Variants in PPP1R3B observed in about 807,000 individuals in gnomAD.
The protein encoded by PPP1R3B is PP1 subunit R4.
A neutral mutation model predicts 14.6 loss-of-function variants in PPP1R3B; 8 were observed. The observed-to-expected ratio is 0.55, with a 90% CI of 0.32 to 0.99. PPP1R3B has a LOEUF of 0.99. PPP1R3B is among the 50% of genes least tolerant of loss of function. PPP1R3B has a pLI of 0.04. For synonymous variants in PPP1R3B, 169 were observed against 142.0 expected, an observed-to-expected ratio of 1.19 and a Z score of -1.35; for missense variants, 452 against 360.1, an observed-to-expected ratio of 1.26 and a Z score of -2.07.
rs919063784 is a variant in PPP1R3B at position 9,139,620 on chromosome 8, T to C, written c.*1174A>G. ...CGGGAATGCAGTGGTGTGATCTCGG[T>C]TCACTGTAAGCTCCGCCTCCCAGGT... is the stretch of plus-strand genomic sequence containing the variant. On this transcript the variant is annotated 3_prime_UTR_variant, in exon 2 of 2. Transcript: ENST00000310455. 2.0e-5 allele frequency: 3 copies of C among 151,534 alleles called. No homozygotes were observed. The highest frequency in any genetic ancestry group is 6.6e-5 in the Admixed American group (1 of 15,224). 9.4% of individuals were successfully genotyped at this position (151,534 alleles called of 1,614,324 possible).
upstream of PPP1R3B, among the ~76,000 whole-genome samples, chr8:9,150,999 AC>A (rs1467001069): frequency 2.0e-5 from 3 of 152,220 alleles, no homozygotes; most frequent in Non-Finnish European, 2.9e-5. Context: ...ACCTCTCGGG[AC>A]CCGGGGCTGG....
chr8:9,149,171 C>A (rs1161815950), intron 1 of PPP1R3B, among the ~76,000 whole-genome samples: 1 of 116,478 alleles, frequency 8.6e-6, no homozygotes, highest in African/African-American at 3.4e-5. Flanking sequence ...CCAGCCTGGG[C>A]GACAGAGCGA....
intron 1 of PPP1R3B, among the ~76,000 whole-genome samples, chr8:9,149,413 G>C (rs1005627054): frequency 1.3e-5 from 2 of 151,768 alleles, no homozygotes; most frequent in Non-Finnish European, 1.5e-5. Flanking sequence ...CGAGGCAGGA[G>C]AATGGCGTGA....
At chr8:9,143,750 C>A (rs1175342839) in intron 1 of PPP1R3B, among the ~76,000 whole-genome samples, 1 of 152,136 alleles carries the variant, frequency 6.6e-6, no homozygotes, top group South Asian at 2.1e-4. Context: ...TATTCTTAAG[C>A]CTTTAACATA....
chr8:9,141,757 G>C, intron 1 of PPP1R3B, 89 bp from the exon 2 acceptor site: 1 of 1,283,508 alleles, frequency 7.8e-7, no homozygotes, highest in Non-Finnish European at 1.1e-6. Flanking sequence ...AGCAGGGACT[G>C]GCAAACAATA....
intron 1 of PPP1R3B, among the ~76,000 whole-genome samples, chr8:9,144,097 T>C (rs1215432280): frequency 6.6e-6 from 1 of 152,108 alleles, no homozygotes. Context: ...TCAACCTTAT[T>C]ATTAATTTAA....
Position 9,149,158 on chromosome 8 carries a change from A to G in PPP1R3B, c.-18+1405T>C, listed in dbSNP as rs1468954188. On this transcript the variant is annotated intron_variant, in intron 1 of 1. Coordinates refer to ENST00000310455, the MANE Select transcript of PPP1R3B (RefSeq NM_024607.4). ...CAGTGAGCCGAGATGGCGCCACTGC[A>G]GTCCAGCCTGGGCGACAGAGCGAAA... Among the ~76,000 whole-genome samples, 2 of 133,656 alleles carry G rather than the reference A, an allele frequency of 1.5e-5. 1 individual carries two copies. Among genetic ancestry groups the G allele is most frequent in the Non-Finnish European group, 3.1e-5 (2 of 63,880 alleles). 87.7% of individuals were successfully genotyped at this position (133,656 alleles called of 152,430 possible).
chr8:9,143,905 TACAG>T (rs1186506950), intron 1 of PPP1R3B, among the ~76,000 whole-genome samples: 13 of 152,056 alleles, frequency 8.5e-5, no homozygotes, highest in African/African-American at 2.9e-4. Context: ...AAAAAAAGAC[TACAG>T]ACAAACTGTG....
Position 9,141,444 on chromosome 8 carries a change from C to A in PPP1R3B, c.208G>T (p.Gly70Trp). Residue 70 changes from glycine to tryptophan, a missense_variant, in exon 2 of 2, where the codon GGG becomes TGG. Gly to Trp is a radical substitution (Grantham distance 184). Transcript: ENST00000310455. ...ACTTTGACCATTGTCAGGGCCAGCCCCTGGTTGTCTGCGAAGGACACCCGC... is the reference window on the plus strand; with the variant it reads ...ACTTTGACCATTGTCAGGGCCAGCCACTGGTTGTCTGCGAAGGACACCCGC... ...KKRVSFADNQGLALTMVKVFS... is the reference protein window; with the variant it reads ...KKRVSFADNQWLALTMVKVFS... The A allele has an allele frequency of 6.2e-7, 1 of 1,614,162 alleles. No individual in the cohort carries two copies. The highest frequency in any genetic ancestry group is 1.7e-4 in the Middle Eastern group (1 of 6,056).
intron 1 of PPP1R3B, chr8:9,142,165 C>T (rs1395646451): frequency 6.4e-6 from 1 of 155,130 alleles, no homozygotes; most frequent in East Asian, 1.9e-4. Context: ...GGCGTGAGCA[C>T]AGCTCACTGC....
rs770269636 is a variant in PPP1R3B at position 9,138,049 on chromosome 8, TG to T, written c.*2744del. 2.6e-5 allele frequency: 4 copies of T among 152,236 alleles called. No individual in the cohort carries two copies. The highest frequency in any genetic ancestry group is 4.4e-5 in the Non-Finnish European group (3 of 68,038). The allele number at this position is 152,236 out of a possible 1,614,324, so 9.4% of individuals were successfully genotyped here. ...AGAGTCACTTCAGGCCTTTTTCTTA[TG>T]AACAGAGTGATCCTTAGTCGGGTAA... On this transcript the variant is annotated 3_prime_UTR_variant, in exon 2 of 2. Transcript: ENST00000310455.
upstream of PPP1R3B, chr8:9,150,838 G>A (rs778095146): frequency 1.3e-5 from 2 of 152,362 alleles, no homozygotes; most frequent in Admixed American, 6.5e-5. Context: ...CCCGGGACGG[G>A]GATCGTGCTA....
Position 9,140,961 on chromosome 8 carries a change from T to G in PPP1R3B, c.691A>C (p.Arg231=). ...GATTTTAACTCAGCCCGGATGATCC[T>G]ATAGTTCTTGCCTCTGTTGCTGTCC... ...YWDSNRGKNY[R]IIRAELKSTQ... The change falls in exon 2 of 2, where the codon AGG becomes CGG. Residue 231 remains arginine (R), a synonymous_variant. Transcript: ENST00000310455. 6.2e-7 allele frequency: 1 copy of G among 1,614,214 alleles called. No individual in the cohort carries two copies. Among genetic ancestry groups the G allele is most frequent in the Non-Finnish European group, 8.5e-7 (1 of 1,180,018 alleles).
intron 1 of PPP1R3B, among the ~76,000 whole-genome samples, chr8:9,146,973 T>A (rs1175371395): frequency 6.6e-6 from 1 of 152,168 alleles, no homozygotes; most frequent in African/African-American, 2.4e-5. Flanking sequence ...TGTTTTTGTT[T>A]TGTCTTATTT....
Position 9,141,140 on chromosome 8 carries a change from C to T in PPP1R3B, c.512G>A (p.Ser171Asn). The change falls in exon 2 of 2, where the codon AGC (serine) becomes AAC (asparagine). Residue 171 changes from serine (S) to asparagine (N), a missense_variant. Transcript: ENST00000310455. ...KIRMTFDTWK[S>N]YTDFPCQYVK... ...GTACTGACAAGGAAAGTCTGTGTAG[C>T]TCTTCCAGGTGTCGAACGTCATCCT... is the stretch of plus-strand genomic sequence containing the variant. The T allele has an allele frequency of 1.9e-6, 3 of 1,614,058 alleles. No individual in the cohort carries two copies. The highest frequency in any genetic ancestry group is 1.7e-6 in the Non-Finnish European group (2 of 1,180,000).
At chr8:9,146,226 C>G (rs1338469125) in intron 1 of PPP1R3B, among the ~76,000 whole-genome samples, 1 of 152,162 alleles carries the variant, frequency 6.6e-6, no homozygotes, top group African/African-American at 2.4e-5. Context: ...AGTGCCGAAA[C>G]TAGGATTAAA....
At chr8:9,148,136 C>A (rs183224913) in intron 1 of PPP1R3B, among the ~76,000 whole-genome samples, 1 of 152,174 alleles carries the variant, frequency 6.6e-6, no homozygotes, top group Non-Finnish European at 1.5e-5. Context: ...AACTCCCCAG[C>A]GGACTGTGAC....
rs538140873 is a variant in PPP1R3B, at chr8:9,144,348, C to T, written c.-17-2680G>A. Among the ~76,000 whole-genome samples, 14 of 151,420 alleles carry T rather than the reference C, an allele frequency of 9.2e-5. No homozygotes were observed. In the East Asian group the frequency reaches 1.6e-3, roughly 17 times the overall value. On this transcript the variant is annotated intron_variant, in intron 1 of 1. Coordinates refer to ENST00000310455, the MANE Select transcript of PPP1R3B (RefSeq NM_024607.4). ...GACCACAGGCATGAGCCACCATGTC[C>T]GGCTAATTTTTAAAAAATATTTTTT...
rs1801044482 is a variant in PPP1R3B, at chr8:9,140,683, G to T, written c.*111C>A. The T allele has an allele frequency of 8.9e-7, 1 of 1,118,732 alleles. No individual in the cohort carries two copies. The highest frequency in any genetic ancestry group is 1.3e-6 in the Non-Finnish European group (1 of 785,062). 69.3% of individuals were successfully genotyped at this position (1,118,732 alleles called of 1,614,324 possible). On this transcript the variant is annotated 3_prime_UTR_variant, in exon 2 of 2. Coordinates refer to ENST00000310455, the MANE Select transcript of PPP1R3B (RefSeq NM_024607.4). ...AGGATCCTTTTATTTTCCCAAACGG[G>T]GCCTCATGGAAGTTCCACGTTGCTC...
Sources: allele counts gnomAD v4.1 joint callset (sites outside exome capture counted in the v4.1 genomes callset), GRCh38; gene constraint gnomAD v4.1.1; transcripts MANE v1.5; gene names NCBI Gene and HGNC (gene_info 2026-07-23, HGNC 2026-07-21).